Variants in SYNPO2 observed in about 807,000 individuals in gnomAD.
SYNPO2 encodes the protein synaptopodin 2.
Under a neutral mutation model 85.0 loss-of-function variants are expected in SYNPO2, and 56 were observed. The observed-to-expected ratio is 0.66, with a 90% CI of 0.53 to 0.82. The LOEUF is 0.82. Ranked by LOEUF, SYNPO2 falls within the 40% of genes least tolerant of loss-of-function variation. The pLI is 0.00. For missense variants in SYNPO2, 1,575 were observed against 1,534.2 expected (o/e 1.03, Z -0.44); for synonymous variants, 602 against 591.1 (o/e 1.02, Z -0.27).
intron 4 of SYNPO2, among the ~76,000 whole-genome samples, chr4:119,050,215 C>T (rs1415992667): frequency 6.6e-6 from 1 of 152,012 alleles, no homozygotes; most frequent in Non-Finnish European, 1.5e-5. Context: ...ACCTGTAATG[C>T]CAGCTACTCA....
intron 1 of SYNPO2, among the ~76,000 whole-genome samples, chr4:118,925,933 A>G (rs977912458): frequency 6.6e-6 from 1 of 152,166 alleles, no homozygotes; most frequent in Non-Finnish European, 1.5e-5. Context: ...AACGTCTAAG[A>G]AGTACCATGA....
intron 1 of SYNPO2, among the ~76,000 whole-genome samples, chr4:119,018,879 A>G (rs1232352876): frequency 1.3e-5 from 2 of 152,202 alleles, no homozygotes; most frequent in Non-Finnish European, 2.9e-5. Context: ...TGGTTTGATC[A>G]TTAGCTTGTA....
chr4:118,900,701 C>CTATATATATATATATA (rs1194269230), intron 1 of SYNPO2, among the ~76,000 whole-genome samples: 18 of 27,202 alleles, frequency 6.6e-4, no homozygotes, highest in Non-Finnish European at 1.4e-3. Context: ...CTCTCTCTCT[C>CTATATATATATATATA]TCTATATATA....
chr4:118,970,700 A>G (rs1735508165), intron 1 of SYNPO2, among the ~76,000 whole-genome samples: 1 of 152,216 alleles, frequency 6.6e-6, no homozygotes, highest in Non-Finnish European at 1.5e-5. Flanking sequence ...AAATAGAGAA[A>G]GCTACAAACA....
chr4:119,007,018 T>C lies in SYNPO2; in HGVS notation c.106-16412T>C, dbSNP rs1262066014. On this transcript the variant is annotated intron_variant, in intron 1 of 4. Transcript: ENST00000307142. ...TACATTTCGGGACTTCTAAGGGTTA[T>C]GGACATCACATTAGGCAATGTACTT... Among the ~76,000 whole-genome samples the C allele has an allele frequency of 2.0e-5, 3 of 151,172 alleles. No individual in the cohort carries two copies. In the East Asian group the frequency reaches 5.8e-4, roughly 29 times the overall value.
chr4:118,895,085 A>G (rs993442458), intron 1 of SYNPO2, among the ~76,000 whole-genome samples: 3 of 152,204 alleles, frequency 2.0e-5, no homozygotes, highest in African/African-American at 7.2e-5. Context: ...TATTTCTTCC[A>G]GTAACTGCTT....
intron 1 of SYNPO2, among the ~76,000 whole-genome samples, chr4:118,926,146 G>T (rs1221019861): frequency 6.6e-6 from 1 of 152,116 alleles, no homozygotes; most frequent in African/African-American, 2.4e-5. Context: ...ACTTCCATGT[G>T]AATGGAGAAC....
At chr4:118,879,873 G>A (rs886857993) in intron 1 of SYNPO2, among the ~76,000 whole-genome samples, 1 of 151,910 alleles carries the variant, frequency 6.6e-6, no homozygotes, top group Non-Finnish European at 1.5e-5. Context: ...GCCTCCCTCC[G>A]AGACCCTGCA....
At chr4:119,032,867 A>ATAATAG (rs1553948874) in intron 4 of SYNPO2, 1 of 942,390 alleles carries the variant, frequency 1.1e-6, no homozygotes, top group Non-Finnish European at 1.3e-6. Flanking sequence ...AATAATAATA[A>ATAATAG]TAATAGTAAT....
chr4:119,007,254 A>G (rs1419870227), intron 1 of SYNPO2, among the ~76,000 whole-genome samples: 33 of 8,948 alleles, frequency 3.7e-3, no homozygotes, highest in African/African-American at 4.5e-3. Flanking sequence ...ATGTATATAC[A>G]TATATATATA....
At chr4:118,946,024 G>A (rs938260733) in intron 1 of SYNPO2, among the ~76,000 whole-genome samples, 24 of 152,290 alleles carry the variant, frequency 1.6e-4, no homozygotes, top group African/African-American at 5.5e-4. Context: ...GATTATAGGC[G>A]TGAGCCACCA....
intron 1 of SYNPO2, among the ~76,000 whole-genome samples, chr4:118,912,484 A>C (rs1327178613): frequency 7.7e-6 from 1 of 129,994 alleles, no homozygotes; most frequent in African/African-American, 2.8e-5. Flanking sequence ...CCTGGCCAAA[A>C]GGAAAAAATT....
chr4:119,048,128 T>C (rs981588795), intron 4 of SYNPO2, among the ~76,000 whole-genome samples: 1 of 152,204 alleles, frequency 6.6e-6, no homozygotes. Flanking sequence ...CTTCCACCTG[T>C]TTAGAAAAAT....
At position 119,060,358 on chromosome 4, in the gene SYNPO2, G is replaced by A. The variant is rs1739373268; in HGVS notation, c.*2424G>A. On this transcript the variant is annotated 3_prime_UTR_variant, in exon 5 of 5. Coordinates refer to ENST00000307142, the MANE Select transcript of SYNPO2 (RefSeq NM_133477.3). ...ACAAGGAAAAAAACATTCTATATTT[G>A]TAGCAGAAATCAGTGGTTTGAAAAG... 6.6e-6 allele frequency: 1 copy of A among 152,152 alleles called. No individual in the cohort carries two copies. The highest frequency in any genetic ancestry group is 1.5e-5 in the Non-Finnish European group (1 of 68,006). The allele number at this position is 152,152 out of a possible 1,614,324, so 9.4% of individuals were successfully genotyped here.
At chr4:118,925,504 A>G (rs897528836) in intron 1 of SYNPO2, among the ~76,000 whole-genome samples, 3 of 152,196 alleles carry the variant, frequency 2.0e-5, no homozygotes, top group Admixed American at 6.6e-5. Flanking sequence ...TACAAGCCCC[A>G]GGTCTGCAGA....
intron 1 of SYNPO2, among the ~76,000 whole-genome samples, chr4:118,949,589 A>G (rs550874520): frequency 6.6e-6 from 1 of 151,778 alleles, no homozygotes; most frequent in Non-Finnish European, 1.5e-5. Context: ...AAAAAAAAAA[A>G]AAAACAAAAA....
chr4:119,012,365 T>C (rs553819310), intron 1 of SYNPO2, among the ~76,000 whole-genome samples: 6 of 133,010 alleles, frequency 4.5e-5, no homozygotes, highest in Admixed American at 2.6e-4. Flanking sequence ...TCCTTTTTTT[T>C]CCCCCTTTTC....
At chr4:118,927,769 A>AGACAGAT (rs1733780994) in intron 1 of SYNPO2, among the ~76,000 whole-genome samples, 1 of 44,706 alleles carries the variant, frequency 2.2e-5, no homozygotes, top group Admixed American at 2.4e-4. Flanking sequence ...ATATATAGAT[A>AGACAGAT]GATAGATGAT....
intron 4 of SYNPO2, among the ~76,000 whole-genome samples, chr4:119,051,373 T>C (rs1739041267): frequency 6.6e-6 from 1 of 150,616 alleles, no homozygotes; most frequent in Admixed American, 6.6e-5. Flanking sequence ...GTATTTTTAG[T>C]AGAGACGGGG....
Sources: gnomAD v4.1 joint callset for allele counts (sites outside exome capture counted in the v4.1 genomes callset) on GRCh38, gnomAD v4.1.1 for gene constraint, MANE v1.5 for transcripts, NCBI Gene and HGNC (gene_info 2026-07-23, HGNC 2026-07-21) for gene names.